Variants in FBXL19 observed in about 807,000 individuals in gnomAD.
FBXL19 encodes the protein F-box/LRR-repeat protein 19.
A neutral mutation model predicts 71.2 loss-of-function variants in FBXL19; 16 were observed. That is an observed-to-expected ratio of 0.22 (90% CI 0.15 to 0.34). The LOEUF (loss-of-function observed/expected upper bound fraction) is 0.34. Among genes scored for constraint, FBXL19 ranks in the 10% least tolerant of loss-of-function variants. The probability of loss-of-function intolerance (pLI) is 1.00; values close to 1 mark genes in which losing one functional copy is unlikely to be tolerated. For missense variants in FBXL19, 658 were observed against 968.2 expected (o/e 0.68, Z 4.25); for synonymous variants, 447 against 409.4 (o/e 1.09, Z -1.11).
chr16:30,930,539 G>T lies in FBXL19; in HGVS notation c.1256G>T (p.Arg419Leu). The change falls in exon 7 of 11, where the codon CGG (arginine) becomes CTG (leucine). Residue 419 changes from arginine (R) to leucine (L), a missense_variant. By Grantham distance (102) the Arg-to-Leu change is moderately radical. This residue lies in a region of FBXL19 where 447 missense variants were observed against 515.4 expected (regional missense o/e 0.87). Transcript: ENST00000338343. This position sits in a 1 kb window ranked among gnomAD's most constrained non-coding sequence, Gnocchi z 8.5. ...WLRVFQHLGP[R>L]ELCICMRVCR... Reference sequence around the variant, plus strand: ...CGCGTCTTCCAGCACCTCGGGCCGCGGGAGCTGTGTATCTGCATGCGAGTC... The same window carrying T: ...CGCGTCTTCCAGCACCTCGGGCCGCTGGAGCTGTGTATCTGCATGCGAGTC... The T allele has an allele frequency of 6.7e-7, 1 of 1,501,380 alleles. No individual in the cohort carries two copies. The highest frequency in any genetic ancestry group is 8.8e-7 in the Non-Finnish European group (1 of 1,133,098). 93.0% of individuals were successfully genotyped at this position (1,501,380 alleles called of 1,614,324 possible).
chr16:30,945,849 G>GAAAA (rs11464927), intron 9 of FBXL19, among the ~76,000 whole-genome samples: 12 of 86,826 alleles, frequency 1.4e-4, no homozygotes, highest in African/African-American at 2.3e-4. Flanking sequence ...CCGTCTCGGG[G>GAAAA]AAAAAAAAAA....
chr16:30,930,713 A>G lies in FBXL19; in HGVS notation c.1301+129A>G. The G allele has an allele frequency of 1.1e-6, 1 of 949,668 alleles. No individual in the cohort carries two copies. Among genetic ancestry groups the G allele is most frequent in the Non-Finnish European group, 1.4e-6 (1 of 709,816 alleles). 58.8% of individuals were successfully genotyped at this position (949,668 alleles called of 1,614,324 possible). A position where few individuals can be genotyped will look rare whatever the true frequency, so the allele number is the denominator to read the frequency against. On this transcript the variant is annotated intron_variant, in intron 7 of 10. Transcript: ENST00000338343. The surrounding 1 kb of genome is among the most constrained non-coding windows in gnomAD (Gnocchi z 8.5). Reference sequence around the variant, plus strand: ...GGGGATACTTCTCTAGTATGCACAGATTACAGTGCATCCTTCCGTATTTCC... The same window carrying G: ...GGGGATACTTCTCTAGTATGCACAGGTTACAGTGCATCCTTCCGTATTTCC...
At chr16:30,934,447 C>A (rs1439995814) in intron 7 of FBXL19, among the ~76,000 whole-genome samples, 1 of 151,988 alleles carries the variant, frequency 6.6e-6, no homozygotes, top group African/African-American at 2.4e-5. Flanking sequence ...CACCTGAGGT[C>A]AGGAGTTTGA....
chr16:30,942,102 C>A lies in FBXL19; in HGVS notation c.1302-14C>A, dbSNP rs758766679. 44 of 1,555,082 alleles carry A rather than the reference C, an allele frequency of 2.8e-5. No homozygotes were observed. The highest frequency in any genetic ancestry group is 6.9e-5 in the East Asian group (3 of 43,362). On this transcript the variant is annotated splice_polypyrimidine_tract_variant and intron_variant, in intron 7 of 10. Transcript: ENST00000338343. The surrounding 1 kb of genome is among the most constrained non-coding windows in gnomAD (Gnocchi z 5.7). The stretch of plus-strand genomic sequence containing the variant: ...TGAGGGCTGAGGTCTCTGTCTCCCC[C>A]CTATGGCCGCCAGGTGCTATGACAA...
chr16:30,932,462 A>G (rs1045208565), intron 7 of FBXL19, among the ~76,000 whole-genome samples: 2 of 152,180 alleles, frequency 1.3e-5, no homozygotes, highest in South Asian at 2.1e-4. Context: ...TTCTGCTTCA[A>G]CGGGAGACGT....
At chr16:30,932,956 T>C (rs571224426) in intron 7 of FBXL19, among the ~76,000 whole-genome samples, 1 of 150,392 alleles carries the variant, frequency 6.6e-6, no homozygotes, top group Non-Finnish European at 1.5e-5. Context: ...TTCTCCTGTC[T>C]CAGCCTCCCA....
Position 30,942,098 on chromosome 16 carries a change from C to T in FBXL19, c.1302-18C>T, listed in dbSNP as rs1466829429. On this transcript the variant is annotated intron_variant, in intron 7 of 10. Transcript: ENST00000338343. This position sits in a 1 kb window ranked among gnomAD's most constrained non-coding sequence, Gnocchi z 5.7. ...GAGCTGAGGGCTGAGGTCTCTGTCTCCCCCCTATGGCCGCCAGGTGCTATG... is the reference window on the plus strand; with the variant it reads ...GAGCTGAGGGCTGAGGTCTCTGTCTTCCCCCTATGGCCGCCAGGTGCTATG... The T allele has an allele frequency of 5.2e-6, 8 of 1,545,136 alleles. No homozygotes were observed. The highest frequency in any genetic ancestry group is 1.4e-5 in the African/African-American group (1 of 73,392).
chr16:30,948,177 G>T lies in FBXL19; in HGVS notation c.*947G>T, dbSNP rs967959225. ...TGTTCTTGTTTTACTGTATTGAGCG[G>T]CGGCACCCGCCGGACCCGCATTATG... On this transcript the variant is annotated 3_prime_UTR_variant, in exon 11 of 11. Coordinates refer to ENST00000338343, the MANE Select transcript of FBXL19 (RefSeq NM_001382779.1). 2 of 168,280 alleles carry T rather than the reference G, an allele frequency of 1.2e-5. No individual in the cohort carries two copies. The highest frequency in any genetic ancestry group is 2.2e-4 in the South Asian group (2 of 8,890). The allele number at this position is 168,280 out of a possible 1,614,324, so 10.4% of individuals were successfully genotyped here.
At chr16:30,933,632 T>G (rs1386397066) in intron 7 of FBXL19, among the ~76,000 whole-genome samples, 1 of 149,108 alleles carries the variant, frequency 6.7e-6, no homozygotes, top group Non-Finnish European at 1.5e-5. Context: ...AAAACTTTTT[T>G]GCAGGAACCA....
intron 9 of FBXL19, among the ~76,000 whole-genome samples, chr16:30,943,420 G>T (rs1309009858): frequency 7.3e-6 from 1 of 136,730 alleles, no homozygotes. Flanking sequence ...TGTCGCCCAG[G>T]CTGGAGTGCA....
chr16:30,934,564 A>G (rs1311713665), intron 7 of FBXL19, among the ~76,000 whole-genome samples: 1 of 152,118 alleles, frequency 6.6e-6, no homozygotes, highest in Non-Finnish European at 1.5e-5. Flanking sequence ...AGTCTGAGCC[A>G]GGAGAATCGC....
At position 30,942,041 on chromosome 16, in the gene FBXL19, A is replaced by C; in HGVS notation, c.1302-75A>C. 1 of 1,433,908 alleles carries C rather than the reference A, an allele frequency of 7.0e-7. No homozygotes were observed. Among genetic ancestry groups the C allele is most frequent in the South Asian group, 1.5e-5 (1 of 67,732 alleles). The allele number at this position is 1,433,908 out of a possible 1,614,324, so 88.8% of individuals were successfully genotyped here. A position where few individuals can be genotyped will look rare whatever the true frequency, so the allele number is the denominator to read the frequency against. On this transcript the variant is annotated intron_variant, in intron 7 of 10. Transcript: ENST00000338343. This position sits in a 1 kb window ranked among gnomAD's most constrained non-coding sequence, Gnocchi z 5.7. The stretch of plus-strand genomic sequence containing the variant: ...GAAGAGAGCTGGGGTGCACCCTTGG[A>C]GCTGGGGAGCCTGGGAACTGTGGGC...
chr16:30,943,434 G>A (rs2055824236), intron 9 of FBXL19, among the ~76,000 whole-genome samples: 1 of 141,862 alleles, frequency 7.0e-6, no homozygotes, highest in South Asian at 2.2e-4. Flanking sequence ...GAGTGCAGTG[G>A]TGCTATCTCG....
chr16:30,941,400 A>G (rs2055800849), intron 7 of FBXL19, among the ~76,000 whole-genome samples: 1 of 152,132 alleles, frequency 6.6e-6, no homozygotes, highest in Non-Finnish European at 1.5e-5. Context: ...GGATTGCTTG[A>G]GCCCAGTAGG....
At chr16:30,924,489 A>G in intron 1 of FBXL19, 30 bp downstream of exon 1, 1 of 586,396 alleles carries the variant, frequency 1.7e-6, no homozygotes, top group Non-Finnish European at 2.6e-6. Context: ...CCTCACCCCC[A>G]GACCTGGGCA....
rs1024801283 is a variant in FBXL19, at chr16:30,947,432, A to C, written c.*202A>C. On this transcript the variant is annotated 3_prime_UTR_variant, in exon 11 of 11. Transcript: ENST00000338343. The stretch of plus-strand genomic sequence containing the variant: ...ATATCTCTGGGGGTTTCTCCTTCCT[A>C]TGTCCTGCCCCTGCTACCTGCTTCA... 4.3e-5 allele frequency: 24 copies of C among 563,034 alleles called. No homozygotes were observed. The highest frequency in any genetic ancestry group is 3.3e-4 in the East Asian group (11 of 33,132). The allele number at this position is 563,034 out of a possible 1,614,324, so 34.9% of individuals were successfully genotyped here. A position where few individuals can be genotyped will look rare whatever the true frequency, so the allele number is the denominator to read the frequency against.
rs764932837 is a variant in FBXL19, at chr16:30,942,236, T to C, written c.1422T>C (p.Gly474=). The C allele has an allele frequency of 6.3e-7, 1 of 1,594,160 alleles. No homozygotes were observed. The highest frequency in any genetic ancestry group is 8.5e-7 in the Non-Finnish European group (1 of 1,170,564). ...GTGCCCTGGACCTCAGCTGGACAGG[T>C]GTCTCCAAGAAGCAGCTCATGTGGC... The part of the protein sequence containing the change: ...QPRALDLSWT[G]VSKKQLMWLL... Residue 474 remains glycine (G), a synonymous_variant, in exon 8 of 11, where the codon GGT becomes GGC. Transcript: ENST00000338343. The surrounding 1 kb of genome is among the most constrained non-coding windows in gnomAD (Gnocchi z 5.7).
chr16:30,938,459 T>C (rs2055761693), intron 7 of FBXL19, among the ~76,000 whole-genome samples: 1 of 152,104 alleles, frequency 6.6e-6, no homozygotes, highest in Admixed American at 6.5e-5. Flanking sequence ...TGAGCTATGA[T>C]TGCATCACTG....
At chr16:30,945,845 CG>C (rs1349512326) in intron 9 of FBXL19, among the ~76,000 whole-genome samples, 3 of 73,460 alleles carry the variant, frequency 4.1e-5, no homozygotes, top group Non-Finnish European at 2.2e-5. Flanking sequence ...GACTCCGTCT[CG>C]GGGAAAAAAA....
Sources: allele counts gnomAD v4.1 joint callset (sites outside exome capture counted in the v4.1 genomes callset), GRCh38; gene constraint gnomAD v4.1.1; regional missense constraint gnomAD v4.1.1; non-coding constraint Gnocchi (gnomAD v3.1); transcripts MANE v1.5; gene names NCBI Gene and HGNC (gene_info 2026-07-23, HGNC 2026-07-21).